The following ST6GALNAC3 variants were observed in gnomAD, a reference collection of about 807,000 sequenced individuals.
ST6GALNAC3 encodes alpha-N-acetylgalactosaminide alpha-2,6-sialyltransferase 3.
Under a neutral mutation model 32.7 loss-of-function variants are expected in ST6GALNAC3, and 25 were observed. That is an observed-to-expected ratio of 0.76 (90% CI 0.56 to 1.07). The LOEUF (loss-of-function observed/expected upper bound fraction) is 1.07, where lower values mean the gene tolerates loss of function less well. Ranked by LOEUF, ST6GALNAC3 falls within the 50% of genes least tolerant of loss-of-function variation. The pLI is 0.00. For synonymous variants in ST6GALNAC3, 129 were observed against 133.1 expected (o/e 0.97, Z 0.21); for missense variants, 355 against 382.4 (o/e 0.93, Z 0.60).
chr1:76,431,604 A>G (rs951361993), intron 3 of ST6GALNAC3, among the ~76,000 whole-genome samples: 38 of 152,282 alleles, frequency 2.5e-4, no homozygotes, highest in Middle Eastern at 3.4e-3. Context: ...AATCTCTTTC[A>G]TGCTGGTTCT....
At chr1:76,212,698 C>T (rs909005816) in intron 1 of ST6GALNAC3, among the ~76,000 whole-genome samples, 3 of 152,066 alleles carry the variant, frequency 2.0e-5, no homozygotes, top group African/African-American at 7.2e-5. Context: ...GTTTTTCAGG[C>T]CACTTTGAAA....
At chr1:76,075,270 C>G (rs1355693825) in intron 1 of ST6GALNAC3, among the ~76,000 whole-genome samples, 1 of 152,092 alleles carries the variant, frequency 6.6e-6, no homozygotes, top group Non-Finnish European at 1.5e-5. Context: ...GCGTGAGTTG[C>G]TGGTGGTGAG....
At chr1:76,524,039 C>T (rs181860650) in intron 3 of ST6GALNAC3, among the ~76,000 whole-genome samples, 35 of 152,258 alleles carry the variant, frequency 2.3e-4, no homozygotes, top group African/African-American at 7.5e-4. Flanking sequence ...TACTTATTAT[C>T]TACAACTATC....
At chr1:76,075,711 GT>G (rs11410196) in intron 1 of ST6GALNAC3, among the ~76,000 whole-genome samples, 13 of 145,864 alleles carry the variant, frequency 8.9e-5, no homozygotes, top group South Asian at 8.6e-4. Context: ...CCCTGCCCTC[GT>G]TTTTTTTTTT....
intron 3 of ST6GALNAC3, among the ~76,000 whole-genome samples, chr1:76,434,784 GTTTTTTTTT>G (rs1211703628): frequency 4.3e-3 from 310 of 72,218 alleles, no homozygotes; most frequent in African/African-American, 0.017. Flanking sequence ...TTTTTTCTCT[GTTTTTTTTT>G]TTTTTTTTTT....
At chr1:76,543,521 A>C (rs1477280445) in intron 3 of ST6GALNAC3, among the ~76,000 whole-genome samples, 1 of 152,256 alleles carries the variant, frequency 6.6e-6, no homozygotes, top group East Asian at 1.9e-4. Flanking sequence ...AAATTATTCC[A>C]AAATGCAAAG....
chr1:76,578,303 A>G (rs1646842333), intron 3 of ST6GALNAC3, among the ~76,000 whole-genome samples: 1 of 152,030 alleles, frequency 6.6e-6, no homozygotes, highest in Non-Finnish European at 1.5e-5. Context: ...AAGGACTTCT[A>G]TTTTATGTAA....
At chr1:76,418,216 T>A (rs1013880008) in intron 3 of ST6GALNAC3, among the ~76,000 whole-genome samples, 3 of 152,104 alleles carry the variant, frequency 2.0e-5, no homozygotes, top group African/African-American at 7.2e-5. Flanking sequence ...CGTGGTCAAG[T>A]GTAGAGATGA....
At chr1:76,184,776 A>G (rs1040997491) in intron 1 of ST6GALNAC3, among the ~76,000 whole-genome samples, 1 of 152,174 alleles carries the variant, frequency 6.6e-6, no homozygotes, top group Admixed American at 6.5e-5. Context: ...TGCTCATTGC[A>G]TGAAAAGGAA....
intron 1 of ST6GALNAC3, among the ~76,000 whole-genome samples, chr1:76,110,514 C>G (rs149073944): frequency 1.3e-5 from 2 of 152,374 alleles, no homozygotes; most frequent in East Asian, 3.9e-4. Context: ...TTCTGGCTTG[C>G]CACTAACCTG....
rs1649388315 is a variant in ST6GALNAC3 at position 76,633,293 on chromosome 1, C to T, written c.*4487C>T. ...TACTAAAGAGTCTATTCATGGAATC[C>T]AAGGGCTCCAAATTGTGCTAATTCT... is the stretch of plus-strand genomic sequence containing the variant. On this transcript the variant is annotated 3_prime_UTR_variant, in exon 5 of 5. Transcript: ENST00000328299. The T allele has an allele frequency of 6.6e-6, 1 of 152,132 alleles. No individual in the cohort carries two copies. The highest frequency in any genetic ancestry group is 2.4e-5 in the African/African-American group (1 of 41,414). 9.4% of individuals were successfully genotyped at this position (152,132 alleles called of 1,614,324 possible). A position where few individuals can be genotyped will look rare whatever the true frequency, so the allele number is the denominator to read the frequency against.
chr1:76,416,656 C>A, intron 3 of ST6GALNAC3, among the ~76,000 whole-genome samples: 1 of 114,302 alleles, frequency 8.7e-6, no homozygotes. Context: ...GAGACAGAGT[C>A]TCACTCTGTC....
rs1178204559 is a variant in ST6GALNAC3, at chr1:76,350,235, C to G, written c.213+36236C>G. 2.0e-5 allele frequency among the ~76,000 whole-genome samples: 3 copies of G among 152,134 alleles called. No individual in the cohort carries two copies. The East Asian group carries it at 5.8e-4, about 29-fold the overall frequency. On this transcript the variant is annotated intron_variant, in intron 2 of 4. Coordinates refer to ENST00000328299, the MANE Select transcript of ST6GALNAC3 (RefSeq NM_152996.4). The stretch of plus-strand genomic sequence containing the variant: ...AGCAACGGGGTCTCCCTATGTTGCC[C>G]AGGCTGGTCTTGAACTCCTGGGCTT...
intron 3 of ST6GALNAC3, among the ~76,000 whole-genome samples, chr1:76,604,717 A>C (rs939785301): frequency 2.6e-5 from 4 of 152,298 alleles, no homozygotes; most frequent in Middle Eastern, 3.4e-3. Context: ...GATTTAACAC[A>C]TCCAAACCAG....
At position 76,627,562 on chromosome 1, in the gene ST6GALNAC3, A is replaced by C; in HGVS notation, c.731+3A>C. Reference sequence around the variant, plus strand: ...ATGATAAATGACACCTACTGCAAGTAAGATCACAAGAAATTATTTTTATGC... The same window carrying C: ...ATGATAAATGACACCTACTGCAAGTCAGATCACAAGAAATTATTTTTATGC... On this transcript the variant is annotated splice_donor_region_variant and intron_variant, in intron 4 of 4. Transcript: ENST00000328299. 1 of 1,598,746 alleles carries C rather than the reference A, an allele frequency of 6.3e-7. No individual in the cohort carries two copies.
intron 2 of ST6GALNAC3, among the ~76,000 whole-genome samples, chr1:76,316,915 A>G (rs1646876557): frequency 6.6e-6 from 1 of 152,188 alleles, no homozygotes; most frequent in Non-Finnish European, 1.5e-5. Flanking sequence ...GCAATGGGAT[A>G]TTAAGCTATC....
chr1:76,424,336 A>T (rs1331639550), intron 3 of ST6GALNAC3, among the ~76,000 whole-genome samples: 1 of 151,874 alleles, frequency 6.6e-6, no homozygotes, highest in East Asian at 1.9e-4. Flanking sequence ...CTGGAAAGAG[A>T]TACATAAAAT....
chr1:76,155,790 A>G (rs533796042), intron 1 of ST6GALNAC3, among the ~76,000 whole-genome samples: 251 of 152,210 alleles, frequency 1.6e-3, no homozygotes, highest in African/African-American at 5.8e-3. Flanking sequence ...TATTTTTAAC[A>G]TATAGTTTCT....
At position 76,242,531 on chromosome 1, in the gene ST6GALNAC3, G is replaced by T. The variant is rs536905856; in HGVS notation, c.19-71274G>T. On this transcript the variant is annotated intron_variant, in intron 1 of 4. Transcript: ENST00000328299. The stretch of plus-strand genomic sequence containing the variant: ...TATACATGTGGCATGGTGGTTTGGT[G>T]CACCTATCAACCCATCATCTAGGTA... 2.6e-5 allele frequency among the ~76,000 whole-genome samples: 4 copies of T among 152,132 alleles called. No individual in the cohort carries two copies. The East Asian group carries it at 7.7e-4, about 29-fold the overall frequency.
Sources: allele counts gnomAD v4.1 joint callset (sites outside exome capture counted in the v4.1 genomes callset), GRCh38; gene constraint gnomAD v4.1.1; transcripts MANE v1.5; gene names NCBI Gene and HGNC (gene_info 2026-07-23, HGNC 2026-07-21).